TACC2: variants seen among roughly 807,000 people sequenced by gnomAD.
TACC2 encodes transforming acidic coiled-coil-containing protein 2.
A neutral mutation model predicts 227.3 loss-of-function variants in TACC2; 137 were observed. The ratio of observed to expected loss-of-function variants is 0.60; its 90% CI spans 0.52 to 0.69. TACC2 has a LOEUF of 0.69. Among genes scored for constraint, TACC2 ranks in the 30% least tolerant of loss-of-function variants. The pLI is 0.00. For synonymous variants in TACC2, 1,523 were observed against 1,487.5 expected, an observed-to-expected ratio of 1.02 and a Z score of -0.55; for missense variants, 3,470 against 3,694.4, an observed-to-expected ratio of 0.94 and a Z score of 1.57.
chr10:122,113,217 C>T (rs2083960384), intron 5 of TACC2: 5 of 152,248 alleles, frequency 3.3e-5, no homozygotes, highest in Admixed American at 2.0e-4. Context: ...CGGGCCATCC[C>T]CTATCTCCCC....
intron 7 of TACC2, among the ~76,000 whole-genome samples, chr10:122,189,232 G>A (rs547548349): frequency 1.3e-5 from 2 of 152,180 alleles, no homozygotes; most frequent in African/African-American, 2.4e-5. Flanking sequence ...CTCATTCAGC[G>A]GAATATTTTG....
chr10:122,234,145 C>T (rs1368722105), intron 16 of TACC2, among the ~76,000 whole-genome samples: 1 of 152,220 alleles, frequency 6.6e-6, no homozygotes, highest in Non-Finnish European at 1.5e-5. Flanking sequence ...CTCTCTGCTC[C>T]AGGGGACAGG....
intron 6 of TACC2, among the ~76,000 whole-genome samples, chr10:122,142,160 G>A (rs1022629202): frequency 6.6e-6 from 1 of 152,190 alleles, no homozygotes; most frequent in African/African-American, 2.4e-5. Context: ...GGTCTGCTCT[G>A]GGCTTTCCTA....
intron 6 of TACC2, among the ~76,000 whole-genome samples, chr10:122,139,678 A>G (rs986867599): frequency 6.6e-6 from 1 of 152,104 alleles, no homozygotes; most frequent in Admixed American, 6.5e-5. Context: ...CGCTTGCCCT[A>G]TTATGTGATC....
At chr10:122,241,637 A>C (rs1165245365) in intron 18 of TACC2, 1 of 415,560 alleles carries the variant, frequency 2.4e-6, no homozygotes, top group African/African-American at 2.0e-5. Context: ...TGTGTTGCCC[A>C]AGGTGGTCTC....
At chr10:122,101,873 A>G (rs2082203779) in intron 5 of TACC2, among the ~76,000 whole-genome samples, 1 of 150,238 alleles carries the variant, frequency 6.7e-6, no homozygotes. Flanking sequence ...CACCCAGCCA[A>G]CCCCATCCTT....
chr10:122,043,737 A>G (rs2074635588), intron 2 of TACC2, among the ~76,000 whole-genome samples: 1 of 151,992 alleles, frequency 6.6e-6, no homozygotes. Flanking sequence ...CCACCACCAC[A>G]CCTGGCTAAT....
intron 7 of TACC2, among the ~76,000 whole-genome samples, chr10:122,152,999 C>CTTTCTTTCTTTTTT (rs71026005): frequency 3.7e-5 from 5 of 135,024 alleles, no homozygotes; most frequent in African/African-American, 5.3e-5. Context: ...TTCTTTCTTT[C>CTTTCTTTCTTTTTT]TTTTTTTTTT....
intron 2 of TACC2, among the ~76,000 whole-genome samples, chr10:122,037,192 G>A (rs145512486): frequency 4.7e-4 from 71 of 152,060 alleles, no homozygotes; most frequent in African/African-American, 1.7e-3. Context: ...TGTACTTTAA[G>A]ATCAGCAAAG....
intron 7 of TACC2, among the ~76,000 whole-genome samples, chr10:122,185,795 GGTAGGAT>G (rs1183382091): frequency 1.3e-5 from 2 of 152,212 alleles, no homozygotes; most frequent in Non-Finnish European, 2.9e-5. Context: ...CTTGTGAATA[GGTAGGAT>G]GTTACTGTAA....
intron 5 of TACC2, among the ~76,000 whole-genome samples, chr10:122,109,676 CTGGCAT>C (rs2083359577): frequency 6.6e-6 from 1 of 152,080 alleles, no homozygotes; most frequent in East Asian, 1.9e-4. Flanking sequence ...GTGATGCTAT[CTGGCAT>C]TTGCTTCAAA....
intron 5 of TACC2, among the ~76,000 whole-genome samples, chr10:122,128,414 C>T (rs1182084959): frequency 6.6e-6 from 1 of 152,126 alleles, no homozygotes; most frequent in Non-Finnish European, 1.5e-5. Context: ...AATTCCATTC[C>T]AAAGAGTTTA....
chr10:122,163,636 G>T (rs975545511), intron 7 of TACC2: 1 of 1,030,660 alleles, frequency 9.7e-7, no homozygotes, highest in Non-Finnish European at 1.2e-6. Flanking sequence ...CGGCGCTCAC[G>T]CTCATACCCG....
intron 18 of TACC2, chr10:122,241,662 A>T (rs368565141): frequency 2.2e-6 from 1 of 463,544 alleles, no homozygotes; most frequent in East Asian, 3.6e-5. Context: ...TCCTAGCCTT[A>T]AGTAATCCAC....
At chr10:122,212,946 C>G (rs2095327533) in intron 9 of TACC2, among the ~76,000 whole-genome samples, 1 of 152,140 alleles carries the variant, frequency 6.6e-6, no homozygotes, top group South Asian at 2.1e-4. Context: ...GCTCTCTCAT[C>G]TGGAATGAGA....
At chr10:122,079,139 T>C (rs1034029589) in intron 3 of TACC2, 3 of 152,230 alleles carry the variant, frequency 2.0e-5, no homozygotes, top group African/African-American at 7.2e-5. Flanking sequence ...ATTACTCTTA[T>C]CACATACTAA....
At chr10:122,224,909 C>A in intron 12 of TACC2, 122 bp downstream of exon 12, 2 of 792,420 alleles carry the variant, frequency 2.5e-6, no homozygotes, top group Non-Finnish European at 2.1e-6. Flanking sequence ...GTGTACACAG[C>A]TTCCCGGGTG....
chr10:122,185,432 G>A (rs993212799), intron 7 of TACC2, among the ~76,000 whole-genome samples: 1 of 152,130 alleles, frequency 6.6e-6, no homozygotes, highest in African/African-American at 2.4e-5. Flanking sequence ...CTGACCTCTA[G>A]CGGTCCACCC....
intron 11 of TACC2, among the ~76,000 whole-genome samples, chr10:122,223,233 A>T (rs1170626951): frequency 6.6e-6 from 1 of 151,792 alleles, no homozygotes; most frequent in East Asian, 1.9e-4. Context: ...TTTAGTAGAG[A>T]TGGGGTTGGC....
Sources: allele counts gnomAD v4.1 joint callset (sites outside exome capture counted in the v4.1 genomes callset), GRCh38; gene constraint gnomAD v4.1.1; transcripts MANE v1.5; gene names NCBI Gene and HGNC (gene_info 2026-07-23, HGNC 2026-07-21).